The following ANKS1A variants were observed in gnomAD, a reference collection of about 807,000 sequenced individuals.
ANKS1A encodes ankyrin repeat and sterile alpha motif domain containing 1A, also known as ankyrin repeat and SAM domain-containing protein 1A.
A neutral mutation model predicts 120.3 loss-of-function variants in ANKS1A; 55 were observed. That is an observed-to-expected ratio of 0.46 (90% CI 0.37 to 0.57). ANKS1A has a LOEUF of 0.57. Ranked by LOEUF, ANKS1A falls within the 20% of genes least tolerant of loss-of-function variation. The pLI is 0.00. For missense variants in ANKS1A, 1,123 were observed against 1,480.3 expected, an observed-to-expected ratio of 0.76 and a Z score of 3.96; for synonymous variants, 590 against 604.7, an observed-to-expected ratio of 0.98 and a Z score of 0.36.
the ANKS1A span, among the ~76,000 whole-genome samples, chr6:35,097,655 A>AC: frequency 2.7e-5 from 4 of 149,894 alleles, no homozygotes; most frequent in African/African-American, 2.5e-5. Flanking sequence ...AAAAAAAAAA[A>AC]AAACACATAC....
At chr6:34,918,386 A>G (rs774947886) in intron 1 of ANKS1A, among the ~76,000 whole-genome samples, 5 of 152,154 alleles carry the variant, frequency 3.3e-5, no homozygotes, top group Non-Finnish European at 7.3e-5. Context: ...ATCTACATAC[A>G]CAGTCACCAT....
rs1777855204 is a variant in ANKS1A at position 35,084,398 on chromosome 6, A to G, written c.3132+140A>G. The G allele has an allele frequency of 2.5e-6, 3 of 1,223,256 alleles. No individual in the cohort carries two copies. Among genetic ancestry groups the G allele is most frequent in the East Asian group, 2.6e-5 (1 of 39,120 alleles). 75.8% of individuals were successfully genotyped at this position (1,223,256 alleles called of 1,614,324 possible). A position where few individuals can be genotyped will look rare whatever the true frequency, so the allele number is the denominator to read the frequency against. ...AATGTTTGGTTCATGAATGGAGCCCAGCAGCACTCAGGCCGGTCCCCTTTC... is the reference window on the plus strand; with the variant it reads ...AATGTTTGGTTCATGAATGGAGCCCGGCAGCACTCAGGCCGGTCCCCTTTC... On this transcript the variant is annotated intron_variant, in intron 21 of 23. Transcript: ENST00000360359. The surrounding 1 kb of genome is among the most constrained non-coding windows in gnomAD (Gnocchi z 4.8).
Position 34,982,957 on chromosome 6 carries a change from A to G in ANKS1A, c.808+130A>G, listed in dbSNP as rs755124310. ...ATGTGTATCTCCACTGGTTGATTACAAGTGTGTAAACTGTTCTTGAATAGC... is the reference window on the plus strand; with the variant it reads ...ATGTGTATCTCCACTGGTTGATTACGAGTGTGTAAACTGTTCTTGAATAGC... On this transcript the variant is annotated intron_variant, in intron 5 of 23. Coordinates refer to ENST00000360359, the MANE Select transcript of ANKS1A (RefSeq NM_015245.3). The surrounding 1 kb of genome is among the most constrained non-coding windows in gnomAD (Gnocchi z 4.9). 7 of 1,286,646 alleles carry G rather than the reference A, an allele frequency of 5.4e-6. No individual in the cohort carries two copies. The highest frequency in any genetic ancestry group is 7.9e-6 in the Non-Finnish European group (7 of 890,270). The allele number at this position is 1,286,646 out of a possible 1,614,324, so 79.7% of individuals were successfully genotyped here.
chr6:34,937,112 G>C (rs1300965690), intron 1 of ANKS1A, among the ~76,000 whole-genome samples: 2 of 152,096 alleles, frequency 1.3e-5, no homozygotes, highest in African/African-American at 4.8e-5. Context: ...AGAGAAGATA[G>C]TCATTTTGGA....
At chr6:34,953,911 G>T (rs1462919204) in intron 1 of ANKS1A, among the ~76,000 whole-genome samples, 2 of 152,146 alleles carry the variant, frequency 1.3e-5, no homozygotes, top group African/African-American at 4.8e-5. Context: ...CAGCAGTTCT[G>T]TGCCTTCTTT....
intron 11 of ANKS1A, among the ~76,000 whole-genome samples, chr6:35,036,634 G>A (rs1425262317): frequency 6.6e-6 from 1 of 152,222 alleles, no homozygotes; most frequent in Non-Finnish European, 1.5e-5. Flanking sequence ...ACCAAATCTG[G>A]TTTTGGTTCA....
intron 11 of ANKS1A, among the ~76,000 whole-genome samples, chr6:35,019,104 G>C: frequency 6.6e-6 from 1 of 152,138 alleles, no homozygotes; most frequent in East Asian, 1.9e-4. Context: ...TTGGAAATAT[G>C]TACCAATTTC....
intron 1 of ANKS1A, among the ~76,000 whole-genome samples, chr6:34,966,434 C>T (rs1770897916): frequency 6.6e-6 from 1 of 152,120 alleles, no homozygotes; most frequent in Non-Finnish European, 1.5e-5. Context: ...GAGTATCTAC[C>T]TCAAACCATT....
At chr6:35,014,514 A>C (rs1360296977) in intron 10 of ANKS1A, among the ~76,000 whole-genome samples, 1 of 151,858 alleles carries the variant, frequency 6.6e-6, no homozygotes, top group Non-Finnish European at 1.5e-5. Context: ...TCTCTCTTTC[A>C]TCATTGATAG....
intron 11 of ANKS1A, among the ~76,000 whole-genome samples, chr6:35,048,828 A>G (rs780836302): frequency 2.0e-5 from 3 of 152,210 alleles, no homozygotes; most frequent in Non-Finnish European, 4.4e-5. Flanking sequence ...GGCACAGAGC[A>G]TCTGGTGAGG....
chr6:34,931,476 A>T (rs998692048), intron 1 of ANKS1A, among the ~76,000 whole-genome samples: 1 of 151,960 alleles, frequency 6.6e-6, no homozygotes, highest in Non-Finnish European at 1.5e-5. Context: ...TGGACCTTTT[A>T]TGCCTTCTTA....
chr6:35,040,323 C>T (rs759307581), intron 11 of ANKS1A, among the ~76,000 whole-genome samples: 31 of 152,264 alleles, frequency 2.0e-4, no homozygotes, highest in South Asian at 2.1e-4. Context: ...TGGATAATGT[C>T]TGAGGCCCTG....
chr6:34,981,779 C>T lies in ANKS1A; in HGVS notation c.525C>T (p.Pro175=). Residue 175 remains proline (P), a synonymous_variant, in exon 4 of 24, where the codon CCC becomes CCT. Coordinates refer to ENST00000360359, the MANE Select transcript of ANKS1A (RefSeq NM_015245.3). ...TGCTCTTAGAGGAGCTGACGGACCC[C>T]ACCATGCGCAACAACAAATTCGAGA... ...VKVLLEELTD[P]TMRNNKFETP... 6.2e-7 allele frequency: 1 copy of T among 1,614,188 alleles called. No individual in the cohort carries two copies. Among genetic ancestry groups the T allele is most frequent in the Non-Finnish European group, 8.5e-7 (1 of 1,180,028 alleles).
chr6:34,893,454 T>C (rs1173541011), intron 1 of ANKS1A, among the ~76,000 whole-genome samples: 1 of 152,172 alleles, frequency 6.6e-6, no homozygotes, highest in Non-Finnish European at 1.5e-5. Context: ...TTTTAAATGG[T>C]GTTTTTTCAT....
intron 10 of ANKS1A, among the ~76,000 whole-genome samples, chr6:35,015,536 A>C (rs559257758): frequency 6.6e-6 from 1 of 152,200 alleles, no homozygotes; most frequent in East Asian, 1.9e-4. Flanking sequence ...GAGAGATGCC[A>C]AAGTTGGTGC....
At chr6:34,990,374 A>G (rs1006028957) in intron 9 of ANKS1A, among the ~76,000 whole-genome samples, 3 of 152,162 alleles carry the variant, frequency 2.0e-5, no homozygotes, top group South Asian at 4.1e-4. Flanking sequence ...GGGTTTCTAG[A>G]TTTGCAGCCT....
intron 11 of ANKS1A, among the ~76,000 whole-genome samples, chr6:35,037,437 A>C (rs1775230621): frequency 6.6e-6 from 1 of 152,202 alleles, no homozygotes. Context: ...CAAATAGCTT[A>C]TTTGGGAGGT....
intron 1 of ANKS1A, among the ~76,000 whole-genome samples, chr6:34,965,404 T>C (rs1260887490): frequency 6.6e-6 from 1 of 152,104 alleles, no homozygotes; most frequent in Non-Finnish European, 1.5e-5. Context: ...TAGGCTGGAG[T>C]GTAGTGGCAC....
chr6:35,054,453 T>A (rs1776111708), intron 12 of ANKS1A, among the ~76,000 whole-genome samples: 1 of 152,212 alleles, frequency 6.6e-6, no homozygotes, highest in South Asian at 2.1e-4. Context: ...TATTCATTAT[T>A]TTATGGGCTT....
Sources: gnomAD v4.1 joint callset for allele counts (sites outside exome capture counted in the v4.1 genomes callset) on GRCh38, gnomAD v4.1.1 for gene constraint, Gnocchi (gnomAD v3.1) non-coding constraint, MANE v1.5 for transcripts, NCBI Gene and HGNC (gene_info 2026-07-23, HGNC 2026-07-21) for gene names.